Variants in SCRN1 observed in about 807,000 individuals in gnomAD.
SCRN1 encodes the protein secernin-1.
In SCRN1, 19 loss-of-function variants were observed where a neutral mutation model predicts 43.3. The ratio of observed to expected loss-of-function variants is 0.44; its 90% CI spans 0.31 to 0.64. The LOEUF is 0.64. SCRN1 is among the 30% of genes least tolerant of loss of function. The pLI, the probability that SCRN1 is intolerant of heterozygous loss-of-function variation, is 0.09. For synonymous variants in SCRN1, 183 were observed against 188.9 expected (o/e 0.97, Z 0.26); for missense variants, 447 against 524.1 (o/e 0.85, Z 1.44).
At chr7:29,956,611 TG>T (rs1304907064) in intron 2 of SCRN1, among the ~76,000 whole-genome samples, 2 of 152,242 alleles carry the variant, frequency 1.3e-5, no homozygotes, top group Admixed American at 1.3e-4. Flanking sequence ...AGGTAAGAGC[TG>T]AAACCCGTGT....
intron 1 of SCRN1, among the ~76,000 whole-genome samples, chr7:29,982,795 C>G (rs1226430358): frequency 6.6e-6 from 1 of 151,622 alleles, no homozygotes; most frequent in East Asian, 1.9e-4. Context: ...CTCTTAAACA[C>G]CAGGCTGCCC....
At position 29,922,118 on chromosome 7, in the gene SCRN1, A is replaced by G. The variant is rs1011559812; in HGVS notation, c.*1839T>C. ...AAAAGGACACTCTAAATTCACCAACAGTGAAAGCCCAGGCCAAACCTGCGT... is the reference window on the plus strand; with the variant it reads ...AAAAGGACACTCTAAATTCACCAACGGTGAAAGCCCAGGCCAAACCTGCGT... On this transcript the variant is annotated 3_prime_UTR_variant, in exon 8 of 8. Coordinates refer to ENST00000242059, the MANE Select transcript of SCRN1 (RefSeq NM_014766.5). 1 of 152,194 alleles carries G rather than the reference A, an allele frequency of 6.6e-6. No individual in the cohort carries two copies. Among genetic ancestry groups the G allele is most frequent in the Non-Finnish European group, 1.5e-5 (1 of 68,032 alleles). The allele number at this position is 152,194 out of a possible 1,614,324, so 9.4% of individuals were successfully genotyped here.
At chr7:29,940,004 G>C (rs1329445168) in intron 5 of SCRN1, among the ~76,000 whole-genome samples, 2 of 151,664 alleles carry the variant, frequency 1.3e-5, no homozygotes, top group African/African-American at 2.4e-5. Flanking sequence ...AAAAAAATTA[G>C]CCAGAAATGG....
chr7:29,924,677 C>G (rs1378721408), intron 7 of SCRN1, among the ~76,000 whole-genome samples: 1 of 152,206 alleles, frequency 6.6e-6, no homozygotes, highest in African/African-American at 2.4e-5. Context: ...TTTCTATCCT[C>G]CAGTGACTGG....
intron 1 of SCRN1, among the ~76,000 whole-genome samples, chr7:29,972,942 T>C (rs775921581): frequency 2.0e-5 from 3 of 152,176 alleles, no homozygotes; most frequent in South Asian, 2.1e-4. Context: ...ATGTAGCTAG[T>C]AGAAACTCCA....
rs898020701 is a variant in SCRN1, at chr7:29,989,643, T to C, written c.-3A>G. On this transcript the variant is annotated splice_region_variant and 5_prime_UTR_variant, in exon 1 of 8. Coordinates refer to ENST00000242059, the MANE Select transcript of SCRN1 (RefSeq NM_014766.5). ...CCTGCGCTCCCAGACGCGGCTCACC[T>C]GGGGCGGCGGGCTCCGGGCTCCGCT... 2.0e-6 allele frequency: 2 copies of C among 985,592 alleles called. No individual in the cohort carries two copies. Among genetic ancestry groups the C allele is most frequent in the Non-Finnish European group, 2.4e-6 (2 of 830,134 alleles). 61.1% of individuals were successfully genotyped at this position (985,592 alleles called of 1,614,324 possible).
At chr7:29,988,444 A>C (rs1292976145) in intron 1 of SCRN1, among the ~76,000 whole-genome samples, 1 of 152,214 alleles carries the variant, frequency 6.6e-6, no homozygotes, top group Non-Finnish European at 1.5e-5. Flanking sequence ...AGCCAGCTCC[A>C]AGAATCACTC....
At chr7:29,935,777 A>C (rs939224058) in intron 6 of SCRN1, among the ~76,000 whole-genome samples, 2 of 152,214 alleles carry the variant, frequency 1.3e-5, no homozygotes, top group African/African-American at 4.8e-5. Context: ...GGGAGATCAG[A>C]GATCGTCTTC....
intron 3 of SCRN1, among the ~76,000 whole-genome samples, chr7:29,953,129 T>C (rs1286932452): frequency 6.6e-6 from 1 of 152,230 alleles, no homozygotes; most frequent in Non-Finnish European, 1.5e-5. Context: ...TCTGTGAACA[T>C]CCCGCAGTGT....
chr7:29,939,116 G>A (rs752790085), intron 5 of SCRN1, among the ~76,000 whole-genome samples: 1 of 152,022 alleles, frequency 6.6e-6, no homozygotes, highest in Non-Finnish European at 1.5e-5. Context: ...TTAAAAGTGA[G>A]TATTTTCTTA....
At position 29,926,632 on chromosome 7, in the gene SCRN1, C is replaced by T. The variant is rs866030898; in HGVS notation, c.906G>A (p.Arg302=). ...HYFTGTPDPS[R]SIFKPFIFVD... is the part of the protein sequence containing the mutation. ...CAAAGATGAAAGGCTTGAATATGGA[C>T]CTGGAGAGGAAGGAGAGGCACTTCA... Residue 302 remains arginine, a splice_region_variant and synonymous_variant, in exon 7 of 8, where the codon AGG becomes AGA. Transcript: ENST00000242059. 6.2e-7 allele frequency: 1 copy of T among 1,612,098 alleles called. No homozygotes were observed. The highest frequency in any genetic ancestry group is 1.7e-4 in the Middle Eastern group (1 of 6,044).
In SCRN1 at chr7:29,940,777, G is replaced by A. The variant is rs777871607; in HGVS notation, c.644C>T (p.Thr215Met). The A allele has an allele frequency of 4.2e-5, 67 of 1,609,960 alleles. No homozygotes were observed. The highest frequency in any genetic ancestry group is 4.0e-4 in the East Asian group (18 of 44,478). The change falls in exon 5 of 8, where the codon ACG (threonine) becomes ATG (methionine). Residue 215 changes from threonine to methionine, a missense_variant. Transcript: ENST00000242059. The stretch of plus-strand genomic sequence containing the variant: ...GGAAAAATTGAACTCGCCCTCTCCC[G>A]TCCACCAACCTTGGCTCTGAGCGTA... Reference protein sequence around the residue: ...RSYAQSQGWWTGEGEFNFSEV... With the variant: ...RSYAQSQGWWMGEGEFNFSEV...
At chr7:29,959,337 G>A (rs1788233204) in intron 2 of SCRN1, among the ~76,000 whole-genome samples, 1 of 152,178 alleles carries the variant, frequency 6.6e-6, no homozygotes, top group Admixed American at 6.5e-5. Context: ...GATGTTTTTA[G>A]CTTTTAAAAC....
In SCRN1 at chr7:29,923,978, C is replaced by T. The variant is rs563084923; in HGVS notation, c.1224G>A (p.Thr408=). The T allele has an allele frequency of 2.0e-4, 317 of 1,613,096 alleles. No individual in the cohort carries two copies. Among genetic ancestry groups the T allele is most frequent in the South Asian group, 5.1e-4 (46 of 90,872 alleles). ...VGDLFYDCVD[T]EIKFFK is the part of the protein sequence containing the mutation. ...TACTTCACTTAAAGAACTTAATCTC[C>T]GTGTCAACACAGTCATAGAAAAGGT... Residue 408 remains threonine (T), a synonymous_variant, in exon 8 of 8, where the codon ACG becomes ACA. Transcript: ENST00000242059.
At chr7:29,976,035 T>C (rs953485497) in intron 1 of SCRN1, among the ~76,000 whole-genome samples, 4 of 152,202 alleles carry the variant, frequency 2.6e-5, no homozygotes, top group Non-Finnish European at 5.9e-5. Context: ...AGCTGGTACA[T>C]TTTTGTGGTA....
chr7:29,985,779 C>T (rs1278203364), intron 1 of SCRN1, among the ~76,000 whole-genome samples: 1 of 152,226 alleles, frequency 6.6e-6, no homozygotes, highest in East Asian at 1.9e-4. Flanking sequence ...CATACTCCTT[C>T]TCTCCCTTTA....
chr7:29,963,825 G>A lies in SCRN1; in HGVS notation c.159+5084C>T, dbSNP rs539095058. On this transcript the variant is annotated intron_variant, in intron 2 of 7. Transcript: ENST00000242059. ...CTATGTAGCTGTAAGAAAAAAATAA[G>A]GACAATCTCTATAGAAAAATCTTTA... Among the ~76,000 whole-genome samples, 14 of 152,194 alleles carry A rather than the reference G, an allele frequency of 9.2e-5. No individual in the cohort carries two copies. The South Asian group carries it at 2.7e-3, about 29-fold the overall frequency.
At chr7:29,968,863 C>A (rs758972190) in intron 2 of SCRN1, 46 bp downstream of exon 2, 2 of 1,609,948 alleles carry the variant, frequency 1.2e-6, no homozygotes, top group Non-Finnish European at 8.5e-7. Context: ...GCGGCAAAGC[C>A]AGAGAAAAGA....
chr7:29,967,143 G>C (rs1278200232), intron 2 of SCRN1, among the ~76,000 whole-genome samples: 1 of 151,564 alleles, frequency 6.6e-6, no homozygotes, highest in African/African-American at 2.4e-5. Context: ...ATTTTCTCCA[G>C]ATTTTTCATC....
Sources: allele counts gnomAD v4.1 joint callset (sites outside exome capture counted in the v4.1 genomes callset), GRCh38; gene constraint gnomAD v4.1.1; transcripts MANE v1.5; gene names NCBI Gene and HGNC (gene_info 2026-07-23, HGNC 2026-07-21).